The following CLTCL1 variants were observed in gnomAD, a reference collection of about 807,000 sequenced individuals.
The protein encoded by CLTCL1 is clathrin heavy chain like 1.
CLTCL1 carries 159 observed loss-of-function variants against 190.0 expected under a neutral mutation model. That is an observed-to-expected ratio of 0.84 (90% CI 0.74 to 0.95). CLTCL1 has a LOEUF of 0.95. CLTCL1 is among the 40% of genes least tolerant of loss of function. The pLI is 0.00. For synonymous variants in CLTCL1, 752 were observed against 769.6 expected (o/e 0.98, Z 0.38); for missense variants, 1,878 against 2,033.4 (o/e 0.92, Z 1.47).
At chr22:19,205,472 TGCACTGTAGCCTG>T (rs1555942264) in intron 22 of CLTCL1, among the ~76,000 whole-genome samples, 3 of 152,224 alleles carry the variant, frequency 2.0e-5, no homozygotes, top group Non-Finnish European at 2.9e-5. Flanking sequence ...ATCGTGCCAC[TGCACTGTAGCCTG>T]GGTGACAGAG....
At chr22:19,271,241 G>A (rs1555980558) in intron 2 of CLTCL1, among the ~76,000 whole-genome samples, 2 of 152,152 alleles carry the variant, frequency 1.3e-5, no homozygotes, top group African/African-American at 4.8e-5. Context: ...GTTTGGTTCT[G>A]TGTCCCCACT....
rs3747059 is a variant in CLTCL1, at chr22:19,275,691, G to C, written c.182C>G (p.Pro61Arg). The change falls in exon 2 of 33, where the codon CCG becomes CGG. Residue 61 changes from proline (P) to arginine (R), a missense_variant. By Grantham distance (103) the Pro-to-Arg change is moderately radical. Coordinates refer to ENST00000427926, the MANE Select transcript of CLTCL1 (RefSeq NM_007098.4). ...CTCTGCAGAGATAGGCCGTCGGATC[G>C]GAGCCATTGGGTCACTCATGTCAAT... is the stretch of plus-strand genomic sequence containing the variant. ...TIIDMSDPMA[P>R]IRRPISAESA... The C allele has an allele frequency of 1.2e-6, 2 of 1,605,808 alleles. No individual in the cohort carries two copies. Among genetic ancestry groups the C allele is most frequent in the Non-Finnish European group, 1.7e-6 (2 of 1,176,154 alleles).
intron 20 of CLTCL1, among the ~76,000 whole-genome samples, chr22:19,209,802 A>T (rs1230016589): frequency 6.6e-6 from 1 of 152,194 alleles, no homozygotes; most frequent in Non-Finnish European, 1.5e-5. Context: ...AGGCTCATAG[A>T]CTGGAAAGAA....
At position 19,239,324 on chromosome 22, in the gene CLTCL1, T is replaced by G; in HGVS notation, c.746A>C (p.Asp249Ala). ...GNQPFVKKAV[D>A]VFFPPEAQND... ...CTGTGCCTCTGGAGGAAAAAACACATCTACTGCTTTCTTTACAAAAGGTTG... is the reference window on the plus strand; with the variant it reads ...CTGTGCCTCTGGAGGAAAAAACACAGCTACTGCTTTCTTTACAAAAGGTTG... The change falls in exon 5 of 33, where the codon GAT (aspartate) becomes GCT (alanine). Residue 249 changes from aspartate (D) to alanine (A), a missense_variant. Physicochemically the swap from Asp to Ala is moderately radical, Grantham distance 126 (BLOSUM62 -2). Coordinates refer to ENST00000427926, the MANE Select transcript of CLTCL1 (RefSeq NM_007098.4). The G allele has an allele frequency of 6.2e-7, 1 of 1,613,974 alleles. No individual in the cohort carries two copies.
intron 4 of CLTCL1, among the ~76,000 whole-genome samples, chr22:19,240,353 C>T (rs2086215049): frequency 1.3e-5 from 2 of 152,068 alleles, no homozygotes; most frequent in Admixed American, 6.6e-5. Flanking sequence ...AAAACAAGGG[C>T]GGGAGGCTGG....
At chr22:19,186,338 GC>G (rs1472108721) in intron 29 of CLTCL1, among the ~76,000 whole-genome samples, 1 of 151,962 alleles carries the variant, frequency 6.6e-6, no homozygotes, top group Non-Finnish European at 1.5e-5. Flanking sequence ...CCTCACCCCC[GC>G]GGGGAGATGT....
At chr22:19,194,651 T>C (rs1203296681) in intron 26 of CLTCL1, among the ~76,000 whole-genome samples, 2 of 152,072 alleles carry the variant, frequency 1.3e-5, no homozygotes, top group East Asian at 3.9e-4. Context: ...ATGATGTCCA[T>C]TGTATGGATG....
At chr22:19,197,386 C>A (rs2084745391) in intron 24 of CLTCL1, among the ~76,000 whole-genome samples, 1 of 152,150 alleles carries the variant, frequency 6.6e-6, no homozygotes, top group Non-Finnish European at 1.5e-5. Flanking sequence ...TACAGACACG[C>A]CGCCTGTGCT....
intron 17 of CLTCL1, among the ~76,000 whole-genome samples, chr22:19,220,671 C>T (rs1393717236): frequency 3.9e-5 from 6 of 152,188 alleles, no homozygotes; most frequent in Non-Finnish European, 8.8e-5. Context: ...GAGCGGCGTG[C>T]ACACGTGCTT....
chr22:19,224,177 T>G, intron 13 of CLTCL1, 123 bp from the exon 14 acceptor site: 1 of 905,550 alleles, frequency 1.1e-6, no homozygotes, highest in South Asian at 1.7e-5. Context: ...CACTCAGAAC[T>G]CATAATCAAT....
intron 9 of CLTCL1, 134 bp from the exon 10 acceptor site, chr22:19,232,732 C>A: frequency 9.0e-7 from 1 of 1,116,924 alleles, no homozygotes; most frequent in Non-Finnish European, 1.2e-6. Flanking sequence ...GTAGGTACCA[C>A]CTTCTGCCAA....
rs1429698013 is a variant in CLTCL1, at chr22:19,201,468, C to T, written c.3626G>A (p.Gly1209Glu). The T allele has an allele frequency of 6.2e-7, 1 of 1,613,720 alleles. No homozygotes were observed. Among genetic ancestry groups the T allele is most frequent in the African/African-American group, 1.3e-5 (1 of 75,048 alleles). The change falls in exon 23 of 33, where the codon GGA (glycine) becomes GAA (glutamate). Residue 1209 changes from glycine (G) to glutamate (E), a missense_variant. By Grantham distance (98) the Gly-to-Glu change is moderately conservative. Coordinates refer to ENST00000427926, the MANE Select transcript of CLTCL1 (RefSeq NM_007098.4). ...QQVGDRCYEEGMYEAAKLLYS... is the reference protein window; with the variant it reads ...QQVGDRCYEEEMYEAAKLLYS... ...GAGCAGCTTGGCAGCCTCGTACATTCCCTCCTCGTAACAGCGGTCTCCAAC... is the reference window on the plus strand; with the variant it reads ...GAGCAGCTTGGCAGCCTCGTACATTTCCTCCTCGTAACAGCGGTCTCCAAC...
chr22:19,185,366 A>C (rs1166410778), intron 29 of CLTCL1, among the ~76,000 whole-genome samples: 3 of 142,538 alleles, frequency 2.1e-5, no homozygotes, highest in African/African-American at 7.9e-5. Context: ...TCGCTCTGTC[A>C]CCCAGGCTGG....
chr22:19,229,959 A>C lies in CLTCL1; in HGVS notation c.1661T>G (p.Met554Arg), dbSNP rs782773014. Reference sequence around the variant, plus strand: ...ACACTGCTGAATTAAACTGTTTTCCATGAAAATGTCCACAATCTGAAACAT... The same window carrying C: ...ACACTGCTGAATTAAACTGTTTTCCCTGAAAATGTCCACAATCTGAAACAT... ...ANISQIVDIF[M>R]ENSLIQQCTS... Residue 554 changes from methionine to arginine, a missense_variant, in exon 11 of 33, where the codon ATG becomes AGG. Coordinates refer to ENST00000427926, the MANE Select transcript of CLTCL1 (RefSeq NM_007098.4). 1 of 1,609,094 alleles carries C rather than the reference A, an allele frequency of 6.2e-7. No homozygotes were observed. The highest frequency in any genetic ancestry group is 8.5e-7 in the Non-Finnish European group (1 of 1,177,906).
chr22:19,282,178 A>G (rs1243519369), intron 1 of CLTCL1, among the ~76,000 whole-genome samples: 1 of 151,824 alleles, frequency 6.6e-6, no homozygotes, highest in African/African-American at 2.4e-5. Flanking sequence ...AAAACACAAA[A>G]ATTAGCCAGG....
At chr22:19,230,241 C>T (rs1206552) in intron 10 of CLTCL1, among the ~76,000 whole-genome samples, 9,244 of 151,914 alleles carry the variant, frequency 0.061, 343 homozygotes, top group Middle Eastern at 0.16. Flanking sequence ...GTGGCTGAGA[C>T]TACAGGCACC....
intron 21 of CLTCL1, 54 bp from the exon 22 acceptor site, chr22:19,208,365 G>A: frequency 6.3e-7 from 1 of 1,589,862 alleles, no homozygotes; most frequent in Non-Finnish European, 8.6e-7. Flanking sequence ...TTTAAACAAG[G>A]GCTCAATTCC....
chr22:19,268,693 G>GT (rs1357799746), intron 2 of CLTCL1, among the ~76,000 whole-genome samples: 1 of 152,176 alleles, frequency 6.6e-6, no homozygotes, highest in Non-Finnish European at 1.5e-5. Flanking sequence ...AAAAAAGATA[G>GT]TATCAAGTGT....
At chr22:19,210,851 T>C (rs1555946334) in intron 19 of CLTCL1, among the ~76,000 whole-genome samples, 1 of 152,190 alleles carries the variant, frequency 6.6e-6, no homozygotes, top group Non-Finnish European at 1.5e-5. Context: ...TATAGCTTTA[T>C]CACATCTACT....
Sources: allele counts gnomAD v4.1 joint callset (sites outside exome capture counted in the v4.1 genomes callset), GRCh38; gene constraint gnomAD v4.1.1; transcripts MANE v1.5; gene names NCBI Gene and HGNC (gene_info 2026-07-23, HGNC 2026-07-21).